KCND2: variants seen among roughly 807,000 people sequenced by gnomAD.
KCND2 encodes the protein A-type voltage-gated potassium channel KCND2.
KCND2 carries 16 observed loss-of-function variants against 54.4 expected under a neutral mutation model. The ratio of observed to expected loss-of-function variants is 0.29; its 90% CI spans 0.20 to 0.45. The LOEUF (loss-of-function observed/expected upper bound fraction) is 0.45. KCND2 is among the 20% of genes least tolerant of loss of function. KCND2 has a pLI of 1.00. For missense variants in KCND2, 486 were observed against 824.2 expected (o/e 0.59, Z 5.02); for synonymous variants, 317 against 310.7 (o/e 1.02, Z -0.21).
intron 1 of KCND2, among the ~76,000 whole-genome samples, chr7:120,280,296 A>G (rs1799241759): frequency 1.3e-5 from 2 of 152,004 alleles, no homozygotes; most frequent in Non-Finnish European, 2.9e-5. Context: ...TGTTTTAGCC[A>G]TCACTTGAAT....
chr7:120,520,823 C>T (rs1487983573), intron 1 of KCND2, among the ~76,000 whole-genome samples: 10 of 152,066 alleles, frequency 6.6e-5, no homozygotes, highest in Admixed American at 6.6e-4. Context: ...AATGGATGAA[C>T]CCATTAGTTT....
chr7:120,523,556 T>C (rs1161821864), intron 1 of KCND2, among the ~76,000 whole-genome samples: 1 of 149,654 alleles, frequency 6.7e-6, no homozygotes, highest in African/African-American at 2.4e-5. Context: ...AAAAAATTGC[T>C]ATTCTCGATA....
intron 1 of KCND2, among the ~76,000 whole-genome samples, chr7:120,322,955 A>G (rs1211061497): frequency 6.6e-6 from 1 of 152,156 alleles, no homozygotes; most frequent in Non-Finnish European, 1.5e-5. Flanking sequence ...TATAAAATAA[A>G]TAGTTTTAAA....
chr7:120,568,839 C>T (rs1792329669), intron 1 of KCND2, among the ~76,000 whole-genome samples: 1 of 151,994 alleles, frequency 6.6e-6, no homozygotes, highest in South Asian at 2.1e-4. Flanking sequence ...AGATGATGAT[C>T]ATTATTAATT....
At chr7:120,714,054 A>C (rs1195976351) in intron 1 of KCND2, among the ~76,000 whole-genome samples, 1 of 152,194 alleles carries the variant, frequency 6.6e-6, no homozygotes, top group Non-Finnish European at 1.5e-5. Context: ...TACAGTGCCC[A>C]GTTGAGCACA....
intron 1 of KCND2, among the ~76,000 whole-genome samples, chr7:120,475,394 A>G (rs539142841): frequency 1.2e-4 from 19 of 152,198 alleles, no homozygotes; most frequent in Non-Finnish European, 2.5e-4. Context: ...CTATATAGCA[A>G]TCTTGCAAAA....
chr7:120,496,426 A>AT (rs1287275688), intron 1 of KCND2, among the ~76,000 whole-genome samples: 1 of 151,226 alleles, frequency 6.6e-6, no homozygotes, highest in Admixed American at 6.6e-5. Flanking sequence ...AAAATATATA[A>AT]TTTTTTAATT....
chr7:120,456,666 C>T (rs143101763), intron 1 of KCND2, among the ~76,000 whole-genome samples: 1 of 152,270 alleles, frequency 6.6e-6, no homozygotes, highest in Non-Finnish European at 1.5e-5. Context: ...TCTGCTATTT[C>T]ACCTTTTAGA....
intron 1 of KCND2, among the ~76,000 whole-genome samples, chr7:120,537,639 G>A (rs1387709192): frequency 6.6e-6 from 1 of 152,202 alleles, no homozygotes; most frequent in Non-Finnish European, 1.5e-5. Flanking sequence ...AACTTAGCAA[G>A]ATCTGGAAAA....
intron 1 of KCND2, among the ~76,000 whole-genome samples, chr7:120,559,047 G>A (rs577390471): frequency 7.9e-5 from 12 of 151,598 alleles, no homozygotes; most frequent in Non-Finnish European, 1.2e-4. Context: ...GTATGTGTAC[G>A]TGCATGTATG....
intron 1 of KCND2, among the ~76,000 whole-genome samples, chr7:120,531,428 A>G (rs986210473): frequency 6.6e-6 from 1 of 152,090 alleles, no homozygotes; most frequent in Non-Finnish European, 1.5e-5. Flanking sequence ...CCATGCACTT[A>G]AAGTCCTTGT....
chr7:120,430,768 G>C lies in KCND2; in HGVS notation c.1115+155021G>C, dbSNP rs145077297. ...GCATATCATAGAAAAATTCAGTGCA[G>C]TTATGAGTATACAGCCATCTTCTGT... On this transcript the variant is annotated intron_variant, in intron 1 of 5. Transcript: ENST00000331113. Among the ~76,000 whole-genome samples, 951 of 152,242 alleles carry C rather than the reference G, an allele frequency of 6.2e-3. 10 individuals are homozygous for C. Among genetic ancestry groups the C allele is most frequent in the African/African-American group, 0.022 (908 of 41,542 alleles).
intron 1 of KCND2, among the ~76,000 whole-genome samples, chr7:120,535,015 T>C (rs1281568170): frequency 1.3e-5 from 2 of 152,114 alleles, no homozygotes; most frequent in Non-Finnish European, 2.9e-5. Context: ...TTTTAAAGAG[T>C]TGTAACTGAT....
At chr7:120,479,962 CAAA>C (rs35246643) in intron 1 of KCND2, among the ~76,000 whole-genome samples, 1 of 68,876 alleles carries the variant, frequency 1.5e-5, no homozygotes, top group Non-Finnish European at 3.1e-5. Flanking sequence ...GTAAGACTGT[CAAA>C]AAAAAAAAAA....
At chr7:120,717,824 A>G (rs957251986) in intron 1 of KCND2, among the ~76,000 whole-genome samples, 1 of 152,124 alleles carries the variant, frequency 6.6e-6, no homozygotes, top group Admixed American at 6.6e-5. Context: ...AAGGAATCCT[A>G]CCATCATTTC....
chr7:120,507,874 G>A (rs1056707103), intron 1 of KCND2, among the ~76,000 whole-genome samples: 5 of 151,644 alleles, frequency 3.3e-5, no homozygotes, highest in Non-Finnish European at 5.9e-5. Context: ...CTATGTTTAA[G>A]TTGATTTTTA....
In KCND2 at chr7:120,430,951, CA is replaced by C. The variant is rs546296665; in HGVS notation, c.1115+155207del. ...ATGAATGAGTTAATAAATTTCTGTA[CA>C]AATATCTAATGTGGCAAATATCAAT... is the stretch of plus-strand genomic sequence containing the variant. On this transcript the variant is annotated intron_variant, in intron 1 of 5. Coordinates refer to ENST00000331113, the MANE Select transcript of KCND2 (RefSeq NM_012281.3). Among the ~76,000 whole-genome samples, 422 of 152,186 alleles carry C rather than the reference CA, an allele frequency of 2.8e-3. 2 individuals are homozygous for C. The highest frequency in any genetic ancestry group is 9.7e-3 in the African/African-American group (404 of 41,520).
At chr7:120,492,941 G>GA (rs1802804654) in intron 1 of KCND2, among the ~76,000 whole-genome samples, 1 of 151,856 alleles carries the variant, frequency 6.6e-6, no homozygotes, top group Non-Finnish European at 1.5e-5. Context: ...GGTTCCTATT[G>GA]AATATATATT....
chr7:120,403,252 G>C (rs564896789), intron 1 of KCND2, among the ~76,000 whole-genome samples: 1 of 151,816 alleles, frequency 6.6e-6, no homozygotes, highest in East Asian at 1.9e-4. Flanking sequence ...CTAAGAAGAT[G>C]TCTGAAGAGA....
Sources: gnomAD v4.1 joint callset for allele counts (sites outside exome capture counted in the v4.1 genomes callset) on GRCh38, gnomAD v4.1.1 for gene constraint, MANE v1.5 for transcripts, NCBI Gene and HGNC (gene_info 2026-07-23, HGNC 2026-07-21) for gene names.